SH3GL2: variants seen among roughly 807,000 people sequenced by gnomAD.
The protein encoded by SH3GL2 is endophilin-A1.
SH3GL2 carries 24 observed loss-of-function variants against 46.0 expected under a neutral mutation model. The observed-to-expected ratio is 0.52, with a 90% CI of 0.38 to 0.73. The LOEUF is 0.73. Ranked by LOEUF, SH3GL2 falls within the 30% of genes least tolerant of loss-of-function variation. The pLI, the probability that SH3GL2 is intolerant of heterozygous loss-of-function variation, is 0.00. For missense variants in SH3GL2, 413 were observed against 424.2 expected (o/e 0.97, Z 0.23); for synonymous variants, 196 against 147.1 (o/e 1.33, Z -2.40).
chr9:17,755,832 A>G, intron 2 of SH3GL2: 2 of 946,954 alleles, frequency 2.1e-6, no homozygotes, highest in Non-Finnish European at 1.3e-6. Flanking sequence ...CAGGGAAGAA[A>G]GGTAATATTC....
At chr9:17,744,555 CAG>C (rs1230437969) in intron 1 of SH3GL2, among the ~76,000 whole-genome samples, 3 of 151,958 alleles carry the variant, frequency 2.0e-5, no homozygotes, top group Non-Finnish European at 4.4e-5. Context: ...TTTGTAGAGA[CAG>C]AGTCTTACTA....
At chr9:17,600,211 C>T (rs1371402583) in intron 1 of SH3GL2, among the ~76,000 whole-genome samples, 1 of 152,124 alleles carries the variant, frequency 6.6e-6, no homozygotes, top group African/African-American at 2.4e-5. Context: ...CAAAGCCTTC[C>T]TGGATGAACT....
chr9:17,705,920 C>A (rs763896574), intron 1 of SH3GL2, among the ~76,000 whole-genome samples: 1 of 151,930 alleles, frequency 6.6e-6, no homozygotes, highest in Non-Finnish European at 1.5e-5. Flanking sequence ...TGTAACAAAC[C>A]TGCATGTGTA....
At chr9:17,653,947 C>T (rs545146067) in intron 1 of SH3GL2, 4 of 611,676 alleles carry the variant, frequency 6.5e-6, no homozygotes, top group South Asian at 7.1e-5. Context: ...AATGACTAGG[C>T]AGATCTTCTT....
At chr9:17,687,310 C>T (rs1388984276) in intron 1 of SH3GL2, among the ~76,000 whole-genome samples, 1 of 152,026 alleles carries the variant, frequency 6.6e-6, no homozygotes, top group Non-Finnish European at 1.5e-5. Flanking sequence ...GTTTGCAGTT[C>T]ACTGTGACTT....
rs1237337312 is a variant in SH3GL2, at chr9:17,579,090, C to T, written c.-153C>T. ...CGTCAGAGTGTTTCTCCGCAAGAGC[C>T]CGTGTCCCGCTAGGCTCCGCGCCCT... On this transcript the variant is annotated 5_prime_UTR_variant, in exon 1 of 9. Transcript: ENST00000380607. The T allele has an allele frequency of 6.2e-6, 3 of 486,696 alleles. No homozygotes were observed. The highest frequency in any genetic ancestry group is 2.1e-5 in the African/African-American group (1 of 48,350). The allele number at this position is 486,696 out of a possible 1,614,324, so 30.1% of individuals were successfully genotyped here.
chr9:17,695,646 C>T (rs1821184734), intron 1 of SH3GL2, among the ~76,000 whole-genome samples: 1 of 151,662 alleles, frequency 6.6e-6, no homozygotes. Flanking sequence ...TATTGATGCT[C>T]CCGGGTGGTA....
chr9:17,738,641 T>TATAGAGAG lies in SH3GL2; in HGVS notation c.46-8424_46-8423insTAGAGAGA, dbSNP rs376280314. Among the ~76,000 whole-genome samples, 41 of 88,882 alleles carry TATAGAGAG rather than the reference T, an allele frequency of 4.6e-4. 1 individual carries two copies. Among genetic ancestry groups the TATAGAGAG allele is most frequent in the Middle Eastern group, 7.5e-3 (1 of 134 alleles). The allele number at this position is 88,882 out of a possible 152,430, so 58.3% of individuals were successfully genotyped here. Reference sequence around the variant, plus strand: ...TCATGTGATTTTATATATATATATATAGAGAGAGAGAGAGAGAGAGAGAGA... The same window carrying TATAGAGAG: ...TCATGTGATTTTATATATATATATATATAGAGAGAGAGAGAGAGAGAGAGAGAGAGAGA... On this transcript the variant is annotated intron_variant, in intron 1 of 8. Coordinates refer to ENST00000380607, the MANE Select transcript of SH3GL2 (RefSeq NM_003026.5).
chr9:17,661,514 A>T (rs187620147), intron 1 of SH3GL2, among the ~76,000 whole-genome samples: 2 of 152,260 alleles, frequency 1.3e-5, no homozygotes, highest in Non-Finnish European at 2.9e-5. Flanking sequence ...GAAATGTTCA[A>T]TCTCAAGTGA....
intron 3 of SH3GL2, among the ~76,000 whole-genome samples, chr9:17,779,199 T>G (rs924682869): frequency 1.3e-5 from 2 of 152,146 alleles, no homozygotes; most frequent in South Asian, 4.1e-4. Flanking sequence ...ATAGTCCAAA[T>G]CATCAAGATA....
intron 2 of SH3GL2, among the ~76,000 whole-genome samples, chr9:17,761,227 T>C (rs903518130): frequency 6.6e-6 from 1 of 152,208 alleles, no homozygotes; most frequent in African/African-American, 2.4e-5. Flanking sequence ...AAGCTTCTTC[T>C]TTGGATAAAC....
In SH3GL2 at chr9:17,635,573, A is replaced by G. The variant is rs12238828; in HGVS notation, c.45+56286A>G. 2.1e-3 allele frequency among the ~76,000 whole-genome samples: 324 copies of G among 152,282 alleles called. 6 individuals carry two copies. In the East Asian group the frequency reaches 0.044, roughly 21 times the overall value. On this transcript the variant is annotated intron_variant, in intron 1 of 8. Transcript: ENST00000380607. The stretch of plus-strand genomic sequence containing the variant: ...AATTTAATTCAGAGTTAAGTGCCTA[A>G]AAGGTATCCAGCACATGCCTCCTGG...
chr9:17,769,210 C>T (rs933299159), intron 3 of SH3GL2, among the ~76,000 whole-genome samples: 7 of 152,182 alleles, frequency 4.6e-5, no homozygotes, highest in Admixed American at 1.3e-4. Flanking sequence ...TTCAGATGTA[C>T]ATTTACTTGT....
At chr9:17,694,898 G>A (rs1052555986) in intron 1 of SH3GL2, among the ~76,000 whole-genome samples, 1 of 152,102 alleles carries the variant, frequency 6.6e-6, no homozygotes, top group African/African-American at 2.4e-5. Flanking sequence ...TGTAGGGAAT[G>A]GAGTAGGGGA....
At chr9:17,649,928 G>A (rs190909184) in intron 1 of SH3GL2, among the ~76,000 whole-genome samples, 3 of 152,214 alleles carry the variant, frequency 2.0e-5, no homozygotes, top group Admixed American at 2.0e-4. Flanking sequence ...GTATATCTAG[G>A]TGTTCTATCT....
chr9:17,792,092 C>T (rs1563856682), intron 7 of SH3GL2, among the ~76,000 whole-genome samples: 1 of 152,154 alleles, frequency 6.6e-6, no homozygotes, highest in Non-Finnish European at 1.5e-5. Context: ...TTTCTTAGGC[C>T]ACATGGCCAG....
intron 3 of SH3GL2, among the ~76,000 whole-genome samples, chr9:17,781,307 C>T (rs374094494): frequency 1.4e-4 from 15 of 107,792 alleles, no homozygotes; most frequent in East Asian, 5.5e-4. Context: ...TCATGTCCTT[C>T]GCCCACTTTT....
intron 1 of SH3GL2, among the ~76,000 whole-genome samples, chr9:17,617,697 C>T (rs1819036420): frequency 6.6e-6 from 1 of 152,164 alleles, no homozygotes. Context: ...TCCATAGATA[C>T]TGGAAACTAG....
intron 1 of SH3GL2, among the ~76,000 whole-genome samples, chr9:17,718,420 C>T (rs11998777): frequency 2.6e-5 from 4 of 152,080 alleles, no homozygotes; most frequent in Non-Finnish European, 4.4e-5. Flanking sequence ...GCCTGGAGAC[C>T]GTGTTAAAAA....
Sources: allele counts gnomAD v4.1 joint callset (sites outside exome capture counted in the v4.1 genomes callset), GRCh38; gene constraint gnomAD v4.1.1; transcripts MANE v1.5; gene names NCBI Gene and HGNC (gene_info 2026-07-23, HGNC 2026-07-21).